RNF125: variants seen among roughly 807,000 people sequenced by gnomAD.
The protein encoded by RNF125 is ring finger protein 125.
In RNF125, 21 loss-of-function variants were observed where a neutral mutation model predicts 26.0. The observed-to-expected ratio is 0.81, with a 90% CI of 0.57 to 1.16. The LOEUF is 1.16. Ranked by LOEUF, RNF125 falls within the 50% of genes most tolerant of loss-of-function variation. The pLI is 0.00. For synonymous variants in RNF125, 95 were observed against 109.2 expected, an observed-to-expected ratio of 0.87 and a Z score of 0.81; for missense variants, 270 against 299.4, an observed-to-expected ratio of 0.90 and a Z score of 0.72.
intron 1 of RNF125, among the ~76,000 whole-genome samples, chr18:32,021,278 C>T (rs1053547031): frequency 3.5e-4 from 54 of 152,324 alleles, no homozygotes; most frequent in African/African-American, 1.3e-3. Context: ...GACGGGGTTT[C>T]ACCGTGTTAG....
chr18:32,047,076 C>G (rs542980104), intron 4 of RNF125, among the ~76,000 whole-genome samples: 2 of 151,828 alleles, frequency 1.3e-5, no homozygotes, highest in South Asian at 4.2e-4. Flanking sequence ...CGTGCTGTGT[C>G]GCCAGGCTGG....
At position 32,018,948 on chromosome 18, in the gene RNF125, G is replaced by A. The variant is rs1032605806; in HGVS notation, c.85G>A (p.Glu29Lys). 1.2e-6 allele frequency: 2 copies of A among 1,613,602 alleles called. No individual in the cohort carries two copies. Among genetic ancestry groups the A allele is most frequent in the African/African-American group, 2.7e-5 (2 of 74,904 alleles). ...GGCCCTGGAGCGCAGGAGGGACCCG[G>A]AGTTGCCCGTCACGTCCTTCGACTG... Reference protein sequence around the residue: ...ARALERRRDPELPVTSFDCAV... With the variant: ...ARALERRRDPKLPVTSFDCAV... Residue 29 changes from glutamate (E) to lysine (K), a missense_variant, in exon 1 of 6, where the codon GAG (glutamate) becomes AAG (lysine). Physicochemically the swap from Glu to Lys is moderately conservative, Grantham distance 56 (BLOSUM62 1). Coordinates refer to ENST00000217740, the MANE Select transcript of RNF125 (RefSeq NM_017831.4).
chr18:32,070,017 T>TTCTCTCTCTCTC lies in RNF125; in HGVS notation c.*1645_*1656dup. ...GGTGTCTTTCTTTCCTTCCTCCTTC[T>TTCTCTCTCTCTC]TCTCTCTCTCTCTCTCTCTCTCTTT... On this transcript the variant is annotated 3_prime_UTR_variant, in exon 6 of 6. Coordinates refer to ENST00000217740, the MANE Select transcript of RNF125 (RefSeq NM_017831.4). 1 of 148,914 alleles carries TTCTCTCTCTCTC rather than the reference T, an allele frequency of 6.7e-6. No individual in the cohort carries two copies. The highest frequency in any genetic ancestry group is 2.0e-4 in the East Asian group (1 of 5,006). 9.2% of individuals were successfully genotyped at this position (148,914 alleles called of 1,614,324 possible).
intron 1 of RNF125, among the ~76,000 whole-genome samples, chr18:32,023,023 C>T (rs1323841177): frequency 6.6e-6 from 1 of 152,108 alleles, no homozygotes; most frequent in Non-Finnish European, 1.5e-5. Flanking sequence ...CACTCTGCCA[C>T]CCAGGCTGCA....
downstream of RNF125, chr18:32,075,766 G>T: frequency 1.4e-4 from 59 of 430,246 alleles, no homozygotes; most frequent in Middle Eastern, 1.5e-3. Flanking sequence ...CAATCTGATT[G>T]TGCCATGCCA....
chr18:32,068,691 A>C lies in RNF125; in HGVS notation c.*307A>C, dbSNP rs1317253570. On this transcript the variant is annotated 3_prime_UTR_variant, in exon 6 of 6. Transcript: ENST00000217740. ...GATCTCGGTTTGCAAATTAGATAATACTCTGTGTATAATGCTACATATCAA... is the reference window on the plus strand; with the variant it reads ...GATCTCGGTTTGCAAATTAGATAATCCTCTGTGTATAATGCTACATATCAA... The C allele has an allele frequency of 3.6e-6, 1 of 279,326 alleles. No individual in the cohort carries two copies. Among genetic ancestry groups the C allele is most frequent in the Non-Finnish European group, 6.9e-6 (1 of 144,750 alleles). The allele number at this position is 279,326 out of a possible 1,614,324, so 17.3% of individuals were successfully genotyped here. A position where few individuals can be genotyped will look rare whatever the true frequency, so the allele number is the denominator to read the frequency against.
intron 1 of RNF125, among the ~76,000 whole-genome samples, chr18:32,026,242 CTTTTTTTTTTTTTTT>C (rs1181390375): frequency 1.4e-5 from 1 of 73,144 alleles, no homozygotes; most frequent in Non-Finnish European, 2.4e-5. Flanking sequence ...AGCACCCGGT[CTTTTTTTTTTTTTTT>C]TTTTTTTTTG....
At chr18:32,087,888 T>G in the RNF125 span, among the ~76,000 whole-genome samples, 104 of 152,314 alleles carry the variant, frequency 6.8e-4, 3 homozygotes, top group East Asian at 0.018. Context: ...CCTTTCCTTA[T>G]GGTCTGCAGG....
At chr18:32,082,576 T>C in the RNF125 span, among the ~76,000 whole-genome samples, 2 of 151,886 alleles carry the variant, frequency 1.3e-5, no homozygotes, top group Non-Finnish European at 2.9e-5. Flanking sequence ...TCAAACAGAG[T>C]GTACTGGGAT....
intron 2 of RNF125, among the ~76,000 whole-genome samples, chr18:32,039,848 T>C (rs1330819849): frequency 6.6e-6 from 1 of 151,218 alleles, no homozygotes; most frequent in Non-Finnish European, 1.5e-5. Context: ...TGTATGATCT[T>C]GGCTCACTGT....
chr18:32,059,666 G>A (rs1447533417), intron 4 of RNF125, among the ~76,000 whole-genome samples: 1 of 152,082 alleles, frequency 6.6e-6, no homozygotes, highest in African/African-American at 2.4e-5. Flanking sequence ...CTGTGTTTGT[G>A]GGGTATTATT....
At chr18:32,030,956 A>G (rs1176571311) in intron 1 of RNF125, 1 of 152,190 alleles carries the variant, frequency 6.6e-6, no homozygotes, top group Non-Finnish European at 1.5e-5. Flanking sequence ...CCTGCCTCAG[A>G]GAGTTGGCTT....
At chr18:32,067,156 G>A (rs1456091330) in intron 5 of RNF125, among the ~76,000 whole-genome samples, 1 of 152,210 alleles carries the variant, frequency 6.6e-6, no homozygotes, top group Non-Finnish European at 1.5e-5. Context: ...TGGAGGCTGA[G>A]GCAGGAGAAT....
At chr18:32,073,728 A>G (rs28505817), downstream of RNF125, among the ~76,000 whole-genome samples, 2,175 of 152,284 alleles carry the variant, frequency 0.014, 57 homozygotes, top group African/African-American at 0.049. Flanking sequence ...AAGAACACAT[A>G]CAGGACAGAA....
intron 1 of RNF125, among the ~76,000 whole-genome samples, chr18:32,035,666 G>T (rs1335131140): frequency 1.3e-5 from 2 of 152,076 alleles, no homozygotes; most frequent in African/African-American, 4.8e-5. Context: ...ATACCAGAGG[G>T]TTCCATTTAT....
At chr18:32,074,531 A>G (rs1438155016), downstream of RNF125, among the ~76,000 whole-genome samples, 2 of 151,996 alleles carry the variant, frequency 1.3e-5, no homozygotes, top group Non-Finnish European at 2.9e-5. Context: ...TTGCCATGGT[A>G]GTATTTTCTT....
At chr18:32,041,046 T>G (rs1461668348) in intron 2 of RNF125, among the ~76,000 whole-genome samples, 1 of 152,248 alleles carries the variant, frequency 6.6e-6, no homozygotes, top group East Asian at 1.9e-4. Context: ...TGTTTGAGGT[T>G]TAACTTCCGT....
rs1040265347 is a variant in RNF125, at chr18:32,070,557, T to C, written c.*2173T>C. The C allele has an allele frequency of 3.9e-5, 6 of 152,232 alleles. No homozygotes were observed. The highest frequency in any genetic ancestry group is 7.2e-5 in the African/African-American group (3 of 41,474). 9.4% of individuals were successfully genotyped at this position (152,232 alleles called of 1,614,324 possible). On this transcript the variant is annotated 3_prime_UTR_variant, in exon 6 of 6. Coordinates refer to ENST00000217740, the MANE Select transcript of RNF125 (RefSeq NM_017831.4). Reference sequence around the variant, plus strand: ...TGGTTTTCAAGAACACAGGGCACGATAGAATTAGAACATCCCACAATTACT... The same window carrying C: ...TGGTTTTCAAGAACACAGGGCACGACAGAATTAGAACATCCCACAATTACT...
At chr18:32,057,957 A>G (rs1413482582) in intron 4 of RNF125, among the ~76,000 whole-genome samples, 8 of 151,954 alleles carry the variant, frequency 5.3e-5, no homozygotes, top group Admixed American at 5.2e-4. Flanking sequence ...CACGCTGAGA[A>G]CCATTGCTTC....
Sources: gnomAD v4.1 joint callset for allele counts (sites outside exome capture counted in the v4.1 genomes callset) on GRCh38, gnomAD v4.1.1 for gene constraint, MANE v1.5 for transcripts, NCBI Gene and HGNC (gene_info 2026-07-23, HGNC 2026-07-21) for gene names.